The following HIVEP3 variants were observed in gnomAD, a reference collection of about 807,000 sequenced individuals.
HIVEP3 encodes the protein HIVEP zinc finger 3, also known as transcription factor HIVEP3.
HIVEP3 carries 49 observed loss-of-function variants against 152.8 expected under a neutral mutation model. That is an observed-to-expected ratio of 0.32 (90% CI 0.26 to 0.41). HIVEP3 has a LOEUF of 0.41. HIVEP3 is among the 10% of genes least tolerant of loss of function. HIVEP3 has a pLI of 1.00. For synonymous variants in HIVEP3, 1,269 were observed against 1,289.0 expected (o/e 0.98, Z 0.33); for missense variants, 2,790 against 3,103.3 (o/e 0.90, Z 2.40).
In HIVEP3 at chr1:41,664,218, C is replaced by T. The variant is rs1645760953; in HGVS notation, c.-720-35271G>A. Among the ~76,000 whole-genome samples the T allele has an allele frequency of 6.6e-6, 1 of 152,220 alleles. No individual in the cohort carries two copies. Among genetic ancestry groups the T allele is most frequent in the African/African-American group, 2.4e-5 (1 of 41,454 alleles). ...TGGGACAGATTCCTGCTCCTCACTCCACTCCTGCCCTGCCCCCACTGTCCT... is the reference window on the plus strand; with the variant it reads ...TGGGACAGATTCCTGCTCCTCACTCTACTCCTGCCCTGCCCCCACTGTCCT... On this transcript the variant is annotated intron_variant, in intron 2 of 8. Coordinates refer to ENST00000372583, the MANE Select transcript of HIVEP3 (RefSeq NM_024503.5). The surrounding 1 kb of genome is among the most constrained non-coding windows in gnomAD (Gnocchi z 4.4).
intron 1 of HIVEP3, among the ~76,000 whole-genome samples, chr1:42,034,223 A>T (rs1300413340): frequency 6.6e-6 from 1 of 152,202 alleles, no homozygotes; most frequent in Non-Finnish European, 1.5e-5. Context: ...ATGACCTCAT[A>T]AAGACCTCAT....
intron 1 of HIVEP3, among the ~76,000 whole-genome samples, chr1:42,008,321 G>A (rs1645472723): frequency 6.6e-6 from 1 of 152,166 alleles, no homozygotes; most frequent in African/African-American, 2.4e-5. Flanking sequence ...TCCTTTGTAT[G>A]TGGATTATGA....
At chr1:41,762,764 G>A (rs1482404502) in intron 1 of HIVEP3, among the ~76,000 whole-genome samples, 2 of 152,238 alleles carry the variant, frequency 1.3e-5, no homozygotes, top group East Asian at 1.9e-4. Context: ...TGCAAGCCAG[G>A]CACAGCCTGG....
rs1453707847 is a variant in HIVEP3 at position 41,787,532 on chromosome 1, TTTC to T, written c.-800-86540_-800-86538del. On this transcript the variant is annotated intron_variant, in intron 1 of 8. Transcript: ENST00000372583. Reference sequence around the variant, plus strand: ...TGATTTTCTCTTTTCCTTTTCTTTCTTTCTTTTTTTTTTTTTTTTTTAATGGGA... The same window carrying T: ...TGATTTTCTCTTTTCCTTTTCTTTCTTTTTTTTTTTTTTTTTTTAATGGGA... Among the ~76,000 whole-genome samples, 759 of 131,534 alleles carry T rather than the reference TTTC, an allele frequency of 5.8e-3. 7 individuals are homozygous for T. Among genetic ancestry groups the T allele is most frequent in the African/African-American group, 0.029 (709 of 24,604 alleles). The allele number at this position is 131,534 out of a possible 152,430, so 86.3% of individuals were successfully genotyped here.
chr1:41,905,808 T>C (rs1644699808), intron 1 of HIVEP3, among the ~76,000 whole-genome samples: 1 of 152,156 alleles, frequency 6.6e-6, no homozygotes, highest in Non-Finnish European at 1.5e-5. Context: ...CATTCTTATC[T>C]GATGCTCACT....
chr1:41,542,788 T>TTCC, intron 5 of HIVEP3: 1 of 164,308 alleles, frequency 6.1e-6, no homozygotes, highest in East Asian at 1.7e-4. Context: ...CAGGCTTCAG[T>TTCC]TCCTCCTATG....
intron 1 of HIVEP3, among the ~76,000 whole-genome samples, chr1:41,841,462 C>A (rs1003022691): frequency 2.0e-5 from 3 of 152,206 alleles, no homozygotes; most frequent in Admixed American, 2.0e-4. Flanking sequence ...CAGTGCAGCA[C>A]TGATAAGCTG....
intron 1 of HIVEP3, among the ~76,000 whole-genome samples, chr1:42,010,263 A>C (rs118070609): frequency 6.6e-6 from 1 of 152,148 alleles, no homozygotes; most frequent in Non-Finnish European, 1.5e-5. Context: ...ATTGCTTTTA[A>C]TATCTCCATA....
intron 1 of HIVEP3, among the ~76,000 whole-genome samples, chr1:41,915,370 T>G (rs1570801267): frequency 6.6e-6 from 1 of 151,722 alleles, no homozygotes; most frequent in East Asian, 1.9e-4. Flanking sequence ...GCCTTTTAAA[T>G]TTTTTTTTAG....
At chr1:41,877,788 T>C (rs1644194356) in intron 1 of HIVEP3, among the ~76,000 whole-genome samples, 1 of 152,204 alleles carries the variant, frequency 6.6e-6, no homozygotes, top group Non-Finnish European at 1.5e-5. Flanking sequence ...ATCTTATCTT[T>C]CTAATGTTCA....
intron 5 of HIVEP3, among the ~76,000 whole-genome samples, chr1:41,560,625 G>A (rs116695043): frequency 0.031 from 4,655 of 152,216 alleles, 267 homozygotes; most frequent in African/African-American, 0.11. Context: ...ATTGCCTCCC[G>A]GGGCCAGGAC....
At chr1:42,016,097 G>C (rs1169989581) in intron 1 of HIVEP3, among the ~76,000 whole-genome samples, 2 of 152,220 alleles carry the variant, frequency 1.3e-5, no homozygotes, top group Non-Finnish European at 2.9e-5. Flanking sequence ...GGTTAAGATG[G>C]AGGAGGCAAG....
intron 6 of HIVEP3, among the ~76,000 whole-genome samples, chr1:41,524,338 G>A (rs1642841553): frequency 6.6e-6 from 1 of 152,220 alleles, no homozygotes; most frequent in South Asian, 2.1e-4. Context: ...CCAAATGCAA[G>A]AGTGGCAGTG....
intron 1 of HIVEP3, among the ~76,000 whole-genome samples, chr1:41,836,221 T>C (rs543403956): frequency 6.6e-6 from 1 of 152,320 alleles, no homozygotes; most frequent in African/African-American, 2.4e-5. Flanking sequence ...GGCTGAGCCC[T>C]CTGCCCCGCA....
chr1:41,580,021 G>A lies in HIVEP3; in HGVS notation c.4777C>T (p.Leu1593=). 1 of 1,614,230 alleles carries A rather than the reference G, an allele frequency of 6.2e-7. No individual in the cohort carries two copies. Among genetic ancestry groups the A allele is most frequent in the Non-Finnish European group, 8.5e-7 (1 of 1,180,054 alleles). The stretch of plus-strand genomic sequence containing the variant: ...GTTGTGTGGAGGCTGGGGAACTGCA[G>A]TACCTTCTTTGAGTCCGTACCTTCT... ...SQEGTDSKKV[L]QFPSLHTTTN... is the part of the protein sequence containing the mutation. The change falls in exon 4 of 9, where the codon CTG becomes TTG. Residue 1593 remains leucine (L), a synonymous_variant. Transcript: ENST00000372583.
chr1:41,527,010 T>G (rs1642973579), intron 5 of HIVEP3, among the ~76,000 whole-genome samples: 1 of 61,772 alleles, frequency 1.6e-5, no homozygotes, highest in Non-Finnish European at 3.1e-5. Flanking sequence ...CACACTCGCT[T>G]ACACCCCCAC....
intron 1 of HIVEP3, among the ~76,000 whole-genome samples, chr1:41,828,732 G>A (rs575893210): frequency 1.3e-5 from 2 of 152,288 alleles, no homozygotes; most frequent in Admixed American, 6.5e-5. Flanking sequence ...AGACCTTAGG[G>A]TGAGAAGTGC....
chr1:41,801,414 G>A (rs1381825092), intron 1 of HIVEP3, among the ~76,000 whole-genome samples: 2 of 152,056 alleles, frequency 1.3e-5, no homozygotes, highest in Non-Finnish European at 2.9e-5. Flanking sequence ...TGAGTTAATT[G>A]GGAATACTAA....
intron 1 of HIVEP3, among the ~76,000 whole-genome samples, chr1:41,883,482 C>A (rs1446890709): frequency 1.3e-5 from 2 of 152,146 alleles, no homozygotes; most frequent in Admixed American, 6.5e-5. Flanking sequence ...CACTCTCCTG[C>A]GAAATGCTTG....
Sources: gnomAD v4.1 joint callset for allele counts (sites outside exome capture counted in the v4.1 genomes callset) on GRCh38, gnomAD v4.1.1 for gene constraint, Gnocchi (gnomAD v3.1) non-coding constraint, MANE v1.5 for transcripts, NCBI Gene and HGNC (gene_info 2026-07-23, HGNC 2026-07-21) for gene names.